Variants in NOP58 observed in about 807,000 individuals in gnomAD.
NOP58 encodes the protein NOP58 ribonucleoprotein, also known as nucleolar protein 58.
NOP58 carries 44 observed loss-of-function variants against 71.2 expected under a neutral mutation model. That is an observed-to-expected ratio of 0.62 (90% CI 0.49 to 0.79). The LOEUF is 0.79. Ranked by LOEUF, NOP58 falls within the 30% of genes least tolerant of loss-of-function variation. NOP58 has a pLI of 0.00. For synonymous variants in NOP58, 228 were observed against 200.3 expected, an observed-to-expected ratio of 1.14 and a Z score of -1.17; for missense variants, 538 against 620.2, an observed-to-expected ratio of 0.87 and a Z score of 1.41.
chr2:202,269,857 GT>G (rs1688488295), intron 1 of NOP58, among the ~76,000 whole-genome samples: 3 of 152,188 alleles, frequency 2.0e-5, no homozygotes, highest in Non-Finnish European at 4.4e-5. Context: ...CTTCCATGTG[GT>G]AGCCATTAGT....
chr2:202,277,137 A>G (rs1437840562), intron 2 of NOP58, among the ~76,000 whole-genome samples: 3 of 152,164 alleles, frequency 2.0e-5, no homozygotes, highest in Non-Finnish European at 4.4e-5. Flanking sequence ...AATACAAAAA[A>G]TTAGCCAGGT....
At chr2:202,277,228 C>A (rs1211784283) in intron 2 of NOP58, among the ~76,000 whole-genome samples, 1 of 151,402 alleles carries the variant, frequency 6.6e-6, no homozygotes, top group South Asian at 2.1e-4. Flanking sequence ...TGGCATGAAC[C>A]TGGGAGGTGG....
chr2:202,284,071 C>T (rs1193006127), intron 4 of NOP58, among the ~76,000 whole-genome samples: 2 of 151,832 alleles, frequency 1.3e-5, no homozygotes, highest in African/African-American at 2.4e-5. Context: ...CACTTGAGGT[C>T]AGGAGTTTGA....
intron 7 of NOP58, among the ~76,000 whole-genome samples, chr2:202,290,762 G>A (rs2105850313): frequency 6.6e-6 from 1 of 151,834 alleles, no homozygotes; most frequent in African/African-American, 2.4e-5. Flanking sequence ...TTGATTGATT[G>A]ATGGTTTACT....
chr2:202,289,204 T>C (rs916482700), intron 6 of NOP58, among the ~76,000 whole-genome samples: 1 of 152,206 alleles, frequency 6.6e-6, no homozygotes, highest in Non-Finnish European at 1.5e-5. Context: ...ACTGAGTTGC[T>C]TGTACACCTA....
chr2:202,297,169 T>C (rs1689007842), intron 10 of NOP58, among the ~76,000 whole-genome samples: 1 of 152,228 alleles, frequency 6.6e-6, no homozygotes, highest in South Asian at 2.1e-4. Flanking sequence ...TTTGAGCTAA[T>C]ATTTGACATG....
At chr2:202,279,426 A>G (rs375369882) in intron 3 of NOP58, among the ~76,000 whole-genome samples, 34 of 152,342 alleles carry the variant, frequency 2.2e-4, no homozygotes, top group African/African-American at 6.5e-4. Context: ...CATCATCTCT[A>G]TGTTACAGAT....
rs1688928012 is a variant in NOP58 at position 202,292,898 on chromosome 2, A to T, written c.902A>T (p.His301Leu). The T allele has an allele frequency of 6.2e-7, 1 of 1,613,958 alleles. No individual in the cohort carries two copies. Among genetic ancestry groups the T allele is most frequent in the South Asian group, 1.1e-5 (1 of 91,072 alleles). ...GELVGARLIA[H>L]AGSLLNLAKH... Reference sequence around the variant, plus strand: ...TTAGTTGGAGCACGGCTTATTGCTCATGCAGGTGATGGTTTTAATGTAATT... The same window carrying T: ...TTAGTTGGAGCACGGCTTATTGCTCTTGCAGGTGATGGTTTTAATGTAATT... The change falls in exon 9 of 15, where the codon CAT becomes CTT. Residue 301 changes from histidine (H) to leucine (L), a missense_variant. Coordinates refer to ENST00000264279, the MANE Select transcript of NOP58 (RefSeq NM_015934.5).
chr2:202,287,611 G>A lies in NOP58; in HGVS notation c.435-49G>A, dbSNP rs1403135971. The A allele has an allele frequency of 4.9e-6, 7 of 1,425,588 alleles. No individual in the cohort carries two copies. In the Admixed American group the frequency reaches 8.6e-5, roughly 17 times the overall value. The allele number at this position is 1,425,588 out of a possible 1,614,324, so 88.3% of individuals were successfully genotyped here. On this transcript the variant is annotated intron_variant, in intron 5 of 14. Coordinates refer to ENST00000264279, the MANE Select transcript of NOP58 (RefSeq NM_015934.5). The stretch of plus-strand genomic sequence containing the variant: ...AAAACTTTAAGGTGTTAATTTAAAT[G>A]CTTTTCCTAGATGCTATCTTGCTAA...
rs946502051 is a variant in NOP58 at position 202,303,285 on chromosome 2, C to A, written c.1540-101C>A. On this transcript the variant is annotated intron_variant, in intron 14 of 14. Coordinates refer to ENST00000264279, the MANE Select transcript of NOP58 (RefSeq NM_015934.5). ...ATTGAGGGGAGGAGTATGATTTGCT[C>A]AAGCTTACTTTTTTTATAGGTGGGG... 3 of 1,535,076 alleles carry A rather than the reference C, an allele frequency of 2.0e-6. No homozygotes were observed. The African/African-American group carries it at 4.2e-5, about 21-fold the overall frequency.
intron 13 of NOP58, among the ~76,000 whole-genome samples, chr2:202,300,655 C>T (rs1359235487): frequency 6.6e-6 from 1 of 152,102 alleles, no homozygotes; most frequent in African/African-American, 2.4e-5. Flanking sequence ...AAAAAAGGAA[C>T]GTGTTTTCTA....
In NOP58 at chr2:202,275,150, T is replaced by C. The variant is rs1464725175; in HGVS notation, c.83T>C (p.Leu28Ser). The C allele has an allele frequency of 1.3e-6, 2 of 1,572,108 alleles. No individual in the cohort carries two copies. ...NEKKLQEVDS[L>S]WKEFETPEKA... ...AAGAAACTTCAAGAGGTTGATAGTT[T>C]ATGGAAAGAATTTGAAACTCCAGAG... The change falls in exon 2 of 15, where the codon TTA becomes TCA. Residue 28 changes from leucine to serine, a missense_variant. Leu to Ser is a moderately radical substitution (Grantham distance 145). Transcript: ENST00000264279.
At chr2:202,301,144 T>G (rs2105858935) in intron 13 of NOP58, among the ~76,000 whole-genome samples, 1 of 152,248 alleles carries the variant, frequency 6.6e-6, no homozygotes, top group Middle Eastern at 3.4e-3. Context: ...TCCAATAAGC[T>G]TTTCCAATTT....
intron 6 of NOP58, among the ~76,000 whole-genome samples, 190 bp downstream of exon 6, chr2:202,287,914 C>T (rs1432208499): frequency 6.6e-6 from 1 of 151,892 alleles, no homozygotes; most frequent in Non-Finnish European, 1.5e-5. Flanking sequence ...AGTTCAAGAC[C>T]AGCTTGGCCA....
chr2:202,291,736 G>A (rs530883414), intron 8 of NOP58, among the ~76,000 whole-genome samples: 1 of 150,038 alleles, frequency 6.7e-6, no homozygotes, highest in African/African-American at 2.5e-5. Context: ...GAACCAGGGA[G>A]GGGGAGGTTG....
Position 202,282,495 on chromosome 2 carries a change from C to A in NOP58, c.297+23C>A. On this transcript the variant is annotated intron_variant, in intron 4 of 14. Transcript: ENST00000264279. Reference sequence around the variant, plus strand: ...AAGGTAAAGTCACGATATTTTTGGTCATGCCTGCTAGTCAGATCTCACAGC... The same window carrying A: ...AAGGTAAAGTCACGATATTTTTGGTAATGCCTGCTAGTCAGATCTCACAGC... 1.9e-6 allele frequency: 3 copies of A among 1,600,526 alleles called. No homozygotes were observed. The South Asian group carries it at 3.4e-5, about 18-fold the overall frequency.
intron 11 of NOP58, 114 bp from the exon 12 acceptor site, chr2:202,297,723 TAACAAAAC>T: frequency 1.2e-6 from 1 of 817,288 alleles, no homozygotes; most frequent in Non-Finnish European, 1.9e-6. Flanking sequence ...CTATTCAAAA[TAACAAAAC>T]AAAAAATAGC....
rs1177763475 is a variant in NOP58 at position 202,280,795 on chromosome 2, A to G, written c.176-1556A>G. ...CTTTTTTTTTTTTTTTTTGATACTGATCTTCGGCTGGAGTACAGGGGCGCG... is the reference window on the plus strand; with the variant it reads ...CTTTTTTTTTTTTTTTTTGATACTGGTCTTCGGCTGGAGTACAGGGGCGCG... On this transcript the variant is annotated intron_variant, in intron 3 of 14. Transcript: ENST00000264279. Among the ~76,000 whole-genome samples, 7 of 125,706 alleles carry G rather than the reference A, an allele frequency of 5.6e-5. No homozygotes were observed. In the South Asian group the frequency reaches 1.6e-3, roughly 30 times the overall value. 82.5% of individuals were successfully genotyped at this position (125,706 alleles called of 152,430 possible).
Position 202,287,808 on chromosome 2 carries a change from G to A in NOP58, c.499+84G>A. The A allele has an allele frequency of 2.7e-6, 3 of 1,107,498 alleles. No individual in the cohort carries two copies. In the Admixed American group the frequency reaches 5.4e-5, roughly 20 times the overall value. 68.6% of individuals were successfully genotyped at this position (1,107,498 alleles called of 1,614,324 possible). ...TGTTGAAACTATCTTTTATGATTCT[G>A]TCTGTTGAGAAAGAGAAAGGAGGCC... On this transcript the variant is annotated intron_variant, in intron 6 of 14. Transcript: ENST00000264279.
Sources: gnomAD v4.1 joint callset for allele counts (sites outside exome capture counted in the v4.1 genomes callset) on GRCh38, gnomAD v4.1.1 for gene constraint, MANE v1.5 for transcripts, NCBI Gene and HGNC (gene_info 2026-07-23, HGNC 2026-07-21) for gene names.